Variants in ADH1C observed in about 807,000 individuals in gnomAD.
The protein encoded by ADH1C is alcohol dehydrogenase 1C.
In ADH1C, 26 loss-of-function variants were observed where a neutral mutation model predicts 35.0. That is an observed-to-expected ratio of 0.74 (90% CI 0.54 to 1.03). The LOEUF (loss-of-function observed/expected upper bound fraction) is 1.03, where lower values mean the gene tolerates loss of function less well. Among genes scored for constraint, ADH1C ranks in the 50% least tolerant of loss-of-function variants. The pLI is 0.00. For synonymous variants in ADH1C, 170 were observed against 169.3 expected (o/e 1.00, Z -0.03); for missense variants, 413 against 465.4 (o/e 0.89, Z 1.04).
At chr4:99,341,528 G>A (rs1296445413) in intron 6 of ADH1C, among the ~76,000 whole-genome samples, 2 of 152,290 alleles carry the variant, frequency 1.3e-5, no homozygotes, top group Middle Eastern at 3.4e-3. Flanking sequence ...AAGGAGAAAA[G>A]CTATAGCCCT....
intron 6 of ADH1C, 111 bp downstream of exon 6, chr4:99,342,684 T>A: frequency 6.7e-7 from 1 of 1,503,680 alleles, no homozygotes; most frequent in Non-Finnish European, 9.0e-7. Context: ...TGACGGGAAA[T>A]TTCCATTCAT....
At chr4:99,336,866 G>A in intron 8 of ADH1C, 90 bp from the exon 9 acceptor site, 1 of 1,566,332 alleles carries the variant, frequency 6.4e-7, no homozygotes, top group East Asian at 2.3e-5. Flanking sequence ...AGGTGACTTA[G>A]TGAAAATCTC....
chr4:99,342,915 C>G lies in ADH1C; in HGVS notation c.708G>C (p.Leu236Phe), dbSNP rs773145187. The G allele has an allele frequency of 1.2e-6, 2 of 1,614,078 alleles. No individual in the cohort carries two copies. Among genetic ancestry groups the G allele is most frequent in the South Asian group, 2.2e-5 (2 of 91,072 alleles). The change falls in exon 6 of 9, where the codon TTG becomes TTC. Residue 236 changes from leucine to phenylalanine, a missense_variant. By Grantham distance (22) the Leu-to-Phe change is conservative. Transcript: ENST00000515683. ...NKDKFAKAKE[L>F]GATECINPQD... ...GAGGGTTGATGCATTCAGTGGCACC[C>G]AACTCTTTAGCCTTTGCAAATTTGT... is the stretch of plus-strand genomic sequence containing the variant.
chr4:99,347,118 T>C lies in ADH1C; in HGVS notation c.147A>G (p.Ser49=). 1.9e-6 allele frequency: 3 copies of C among 1,614,002 alleles called. No homozygotes were observed. The highest frequency in any genetic ancestry group is 2.5e-6 in the Non-Finnish European group (3 of 1,179,956). The change falls in exon 3 of 9, where the codon TCA becomes TCG. Residue 49 remains serine (S), a synonymous_variant. Coordinates refer to ENST00000515683, the MANE Select transcript of ADH1C (RefSeq NM_000669.5). The part of the protein sequence containing the change: ...IKMVAAGICR[S]DEHVVSGNLV... ...GGTTGCCACTAACCACATGCTCATCTGAACGACAGATTCCTGCAGCCACCA... is the reference window on the plus strand; with the variant it reads ...GGTTGCCACTAACCACATGCTCATCCGAACGACAGATTCCTGCAGCCACCA...
rs760204028 is a variant in ADH1C at position 99,347,038 on chromosome 4, C to T, written c.227G>A (p.Ser76Asn). 6.2e-7 allele frequency: 1 copy of T among 1,614,134 alleles called. No homozygotes were observed. The highest frequency in any genetic ancestry group is 1.1e-5 in the South Asian group (1 of 91,072). The change falls in exon 3 of 9, where the codon AGT becomes AAT. Residue 76 changes from serine (S) to asparagine (N), a missense_variant. Physicochemically the swap from Ser to Asn is conservative, Grantham distance 46. Coordinates refer to ENST00000515683, the MANE Select transcript of ADH1C (RefSeq NM_000669.5). ...GACTGTAGTCACCCCTTCTCCAACA[C>T]TTTCCACGATGCCGGCTGCCTCATG... is the stretch of plus-strand genomic sequence containing the variant. ...LGHEAAGIVE[S>N]VGEGVTTVKP... is the part of the protein sequence containing the mutation.
At chr4:99,340,551 T>C (rs1441164911) in intron 7 of ADH1C, 24 bp downstream of exon 7, 1 of 1,613,342 alleles carries the variant, frequency 6.2e-7, no homozygotes, top group Non-Finnish European at 8.5e-7. Flanking sequence ...AATGAGAATT[T>C]GGCTCTGAAG....
intron 1 of ADH1C, among the ~76,000 whole-genome samples, chr4:99,350,489 G>T (rs1734649239): frequency 1.3e-5 from 2 of 152,198 alleles, no homozygotes; most frequent in Non-Finnish European, 2.9e-5. Context: ...AGACCATATG[G>T]TATTTGGTTT....
intron 8 of ADH1C, among the ~76,000 whole-genome samples, chr4:99,339,344 A>G (rs921037359): frequency 6.6e-6 from 1 of 152,164 alleles, no homozygotes; most frequent in Non-Finnish European, 1.5e-5. Context: ...GTTATGCTAT[A>G]ATCAACATAA....
chr4:99,340,662 C>CA lies in ADH1C; in HGVS notation c.876dup (p.Val293CysfsTer6). Reference sequence around the variant, plus strand: ...TTCTGGGAATCAGGAGGTACCCCTACAATGACACTTGTGCCACATGCCTCA... The same window carrying CA: ...TTCTGGGAATCAGGAGGTACCCCTACAAATGACACTTGTGCCACATGCCTCA... On this transcript the variant is annotated frameshift_variant, in exon 7 of 9. Transcript: ENST00000515683. LOFTEE classifies it high-confidence loss of function. 6.2e-7 allele frequency: 1 copy of CA among 1,613,242 alleles called. No homozygotes were observed. Among genetic ancestry groups the CA allele is most frequent in the South Asian group, 1.1e-5 (1 of 91,038 alleles).
At position 99,344,965 on chromosome 4, in the gene ADH1C, T is replaced by G. The variant is rs778742207; in HGVS notation, c.464A>C (p.Glu155Ala). The G allele has an allele frequency of 6.2e-7, 1 of 1,614,206 alleles. No homozygotes were observed. Among genetic ancestry groups the G allele is most frequent in the Non-Finnish European group, 8.5e-7 (1 of 1,180,046 alleles). Residue 155 changes from glutamate (E) to alanine (A), a missense_variant, in exon 5 of 9, where the codon GAG (glutamate) becomes GCG (alanine). Transcript: ENST00000515683. ...TGCATCAATTTTGGCCACTGCATTC[T>G]CATCCACCACTGTGTACTGGGAGAA... ...STFSQYTVVD[E>A]NAVAKIDAAS...
chr4:99,343,789 T>C (rs1693483), intron 5 of ADH1C, among the ~76,000 whole-genome samples: 47,509 of 152,122 alleles, frequency 0.31, 8,863 homozygotes, highest in Non-Finnish European at 0.41. Flanking sequence ...GAGTAAGTGC[T>C]AAAGTCACCG....
intron 1 of ADH1C, among the ~76,000 whole-genome samples, chr4:99,350,132 A>C (rs1357602118): frequency 6.6e-6 from 1 of 152,226 alleles, no homozygotes; most frequent in African/African-American, 2.4e-5. Flanking sequence ...AATGTGGTCC[A>C]TGCCAAAATA....
At position 99,339,529 on chromosome 4, in the gene ADH1C, C is replaced by T. The variant is rs764475415; in HGVS notation, c.1103+48G>A. ...TAGACAACGCCCCCCCCCCCCCCGC[C>T]GCTACTGTAGAATACAAAGCAAAAC... On this transcript the variant is annotated intron_variant, in intron 8 of 8. Transcript: ENST00000515683. 4.7e-5 allele frequency: 48 copies of T among 1,017,454 alleles called. 1 individual carries two copies. The highest frequency in any genetic ancestry group is 4.9e-4 in the Middle Eastern group (2 of 4,116). 63.0% of individuals were successfully genotyped at this position (1,017,454 alleles called of 1,614,324 possible).
intron 5 of ADH1C, 35 bp from the exon 6 acceptor site, chr4:99,343,090 A>T (rs1359122911): frequency 6.2e-7 from 1 of 1,603,546 alleles, no homozygotes; most frequent in Non-Finnish European, 8.5e-7. Context: ...TGAATTAAAT[A>T]ATGTTTGTTA....
intron 7 of ADH1C, 51 bp downstream of exon 7, chr4:99,340,524 A>G: frequency 5.0e-6 from 8 of 1,601,962 alleles, no homozygotes; most frequent in Non-Finnish European, 4.3e-6. Flanking sequence ...TCATAAAAGG[A>G]GAGAAATTCT....
intron 5 of ADH1C, among the ~76,000 whole-genome samples, chr4:99,344,651 G>C (rs1305139406): frequency 7.0e-6 from 1 of 141,932 alleles, no homozygotes; most frequent in Non-Finnish European, 1.6e-5. Flanking sequence ...TATTGAAAAT[G>C]ACATCTTTAC....
rs79502992 is a variant in ADH1C, at chr4:99,336,744, G to A, written c.*8C>T. 1,938 of 1,613,648 alleles carry A rather than the reference G, an allele frequency of 1.2e-3. 4 individuals are homozygous for A. The highest frequency in any genetic ancestry group is 2.1e-3 in the South Asian group (190 of 91,084). On this transcript the variant is annotated 3_prime_UTR_variant, in exon 9 of 9. Coordinates refer to ENST00000515683, the MANE Select transcript of ADH1C (RefSeq NM_000669.5). The stretch of plus-strand genomic sequence containing the variant: ...AAAACTGCTACAAGGGAAGGCATCT[G>A]TATTGTTTCAAAACGTCAGGACGGT...
At chr4:99,349,472 T>C (rs1453016255) in intron 1 of ADH1C, among the ~76,000 whole-genome samples, 1 of 152,184 alleles carries the variant, frequency 6.6e-6, no homozygotes, top group East Asian at 1.9e-4. Flanking sequence ...CTGGTACATG[T>C]TCTAAGTCAC....
chr4:99,347,161 A>G lies in ADH1C; in HGVS notation c.121-17T>C. 2 of 1,606,006 alleles carry G rather than the reference A, an allele frequency of 1.2e-6. No homozygotes were observed. The highest frequency in any genetic ancestry group is 1.3e-5 in the African/African-American group (1 of 74,406). ...AGCCACCATCTACAGAATAAAGAGA[A>G]GATGTTTAGATTCAGAAAAGATTAT... On this transcript the variant is annotated splice_polypyrimidine_tract_variant and intron_variant, in intron 2 of 8. Transcript: ENST00000515683.
Sources: allele counts gnomAD v4.1 joint callset (sites outside exome capture counted in the v4.1 genomes callset), GRCh38; gene constraint gnomAD v4.1.1; transcripts MANE v1.5; gene names NCBI Gene and HGNC (gene_info 2026-07-23, HGNC 2026-07-21).